The following KCNN2 variants were observed in gnomAD, a reference collection of about 807,000 sequenced individuals.
KCNN2 encodes the protein potassium calcium-activated channel subfamily N member 2, also known as small conductance calcium-activated potassium channel protein 2.
In KCNN2, 24 loss-of-function variants were observed where a neutral mutation model predicts 55.5. That is an observed-to-expected ratio of 0.43 (90% CI 0.31 to 0.61). The LOEUF (loss-of-function observed/expected upper bound fraction) is 0.61. Among genes scored for constraint, KCNN2 ranks in the 20% least tolerant of loss-of-function variants. KCNN2 has a pLI of 0.08. For synonymous variants in KCNN2, 431 were observed against 336.1 expected, an observed-to-expected ratio of 1.28 and a Z score of -3.09; for missense variants, 754 against 853.6, an observed-to-expected ratio of 0.88 and a Z score of 1.45.
chr5:114,411,747 C>T (rs1438504509), intron 3 of KCNN2, among the ~76,000 whole-genome samples: 1 of 152,176 alleles, frequency 6.6e-6, no homozygotes, highest in Non-Finnish European at 1.5e-5. Context: ...GGATGGTGCT[C>T]ACCCACGTTG....
At chr5:114,469,915 G>C (rs763153849) in intron 4 of KCNN2, among the ~76,000 whole-genome samples, 2 of 152,170 alleles carry the variant, frequency 1.3e-5, no homozygotes, top group Non-Finnish European at 2.9e-5. Flanking sequence ...AAACAGTTAA[G>C]GGGTTTGTAT....
At chr5:114,445,966 A>G (rs1760389748) in intron 3 of KCNN2, among the ~76,000 whole-genome samples, 1 of 152,212 alleles carries the variant, frequency 6.6e-6, no homozygotes, top group Non-Finnish European at 1.5e-5. Context: ...CTTAATAGGA[A>G]GAACAAGGGT....
At chr5:114,354,267 TTC>T (rs1224263877) in intron 2 of KCNN2, among the ~76,000 whole-genome samples, 1 of 152,108 alleles carries the variant, frequency 6.6e-6, no homozygotes. Flanking sequence ...TTTAAATAAT[TTC>T]TGTTTATTTA....
At chr5:114,145,593 A>G (rs1200362430) in intron 1 of KCNN2, among the ~76,000 whole-genome samples, 1 of 152,194 alleles carries the variant, frequency 6.6e-6, no homozygotes, top group Non-Finnish European at 1.5e-5. Flanking sequence ...GTGGATACCT[A>G]AAACCTAAAG....
chr5:114,495,192 A>G (rs1748054175), intron 7 of KCNN2, among the ~76,000 whole-genome samples: 1 of 152,180 alleles, frequency 6.6e-6, no homozygotes, highest in East Asian at 1.9e-4. Flanking sequence ...AGCTTTGATT[A>G]AGCCATAGCC....
At chr5:114,084,711 T>C (rs1750976827) in intron 1 of KCNN2, among the ~76,000 whole-genome samples, 1 of 152,028 alleles carries the variant, frequency 6.6e-6, no homozygotes, top group African/African-American at 2.4e-5. Context: ...GATCATACTT[T>C]TGGTGTTTAT....
intron 2 of KCNN2, among the ~76,000 whole-genome samples, chr5:114,230,278 T>TTC (rs1754331140): frequency 2.4e-5 from 2 of 82,226 alleles, no homozygotes; most frequent in Admixed American, 1.3e-4. Flanking sequence ...TTTTTTTTTT[T>TTC]CTTTCTTTCT....
At position 114,217,671 on chromosome 5, in the gene KCNN2, T is replaced by A. The variant is rs116965636; in HGVS notation, c.-270-3809T>A. 2.3e-4 allele frequency among the ~76,000 whole-genome samples: 35 copies of A among 152,254 alleles called. 1 individual carries two copies. The East Asian group carries it at 5.6e-3, about 24-fold the overall frequency. ...CTTGTAGGAGATGACATAGGACAAA[T>A]CTTTTATGACCTTGGGTGTGGTCAT... On this transcript the variant is annotated intron_variant, in intron 1 of 10. Coordinates refer to the KCNN2 transcript ENST00000512097.
At chr5:114,385,675 C>T (rs1758259050) in intron 2 of KCNN2, among the ~76,000 whole-genome samples, 1 of 152,096 alleles carries the variant, frequency 6.6e-6, no homozygotes, top group Non-Finnish European at 1.5e-5. Context: ...TTGGGCTCAG[C>T]ACAGGTCTCC....
chr5:114,159,481 G>A (rs1345728274), intron 1 of KCNN2, among the ~76,000 whole-genome samples: 1 of 151,924 alleles, frequency 6.6e-6, no homozygotes, highest in Non-Finnish European at 1.5e-5. Context: ...GATTGTGTCT[G>A]TGCCAGGCTT....
chr5:114,333,844 C>T (rs1230506192), intron 2 of KCNN2, among the ~76,000 whole-genome samples: 1 of 152,178 alleles, frequency 6.6e-6, no homozygotes, highest in Non-Finnish European at 1.5e-5. Flanking sequence ...TGCCATTGTG[C>T]TTAACTTTAG....
intron 1 of KCNN2, among the ~76,000 whole-genome samples, chr5:114,183,963 C>G (rs1309853768): frequency 6.6e-6 from 1 of 151,886 alleles, no homozygotes; most frequent in Non-Finnish European, 1.5e-5. Flanking sequence ...TAATTAAATC[C>G]TAGAAAATTA....
chr5:114,374,781 A>C (rs1191807975), intron 2 of KCNN2, among the ~76,000 whole-genome samples: 2 of 152,150 alleles, frequency 1.3e-5, no homozygotes, highest in African/African-American at 4.8e-5. Context: ...AATTATGTAG[A>C]CCATTCTAAC....
chr5:114,256,816 T>G (rs1754991973), intron 2 of KCNN2, among the ~76,000 whole-genome samples: 1 of 152,120 alleles, frequency 6.6e-6, no homozygotes, highest in Admixed American at 6.6e-5. Context: ...CTGTAAGTCA[T>G]TTGTGCACTC....
At chr5:114,311,319 C>G (rs940271040) in intron 2 of KCNN2, among the ~76,000 whole-genome samples, 3 of 152,018 alleles carry the variant, frequency 2.0e-5, no homozygotes, top group Non-Finnish European at 1.5e-5. Context: ...TGAAGCTACT[C>G]TTTAGATTCT....
At chr5:114,265,557 C>G (rs1000938639) in intron 2 of KCNN2, among the ~76,000 whole-genome samples, 1 of 152,152 alleles carries the variant, frequency 6.6e-6, no homozygotes, top group Non-Finnish European at 1.5e-5. Context: ...GACCAGTGTC[C>G]TAGCTCAACA....
intron 3 of KCNN2, chr5:114,433,764 A>T (rs1045388995): frequency 4.6e-5 from 7 of 153,484 alleles, no homozygotes; most frequent in African/African-American, 1.7e-4. Flanking sequence ...CTCCTGAGCC[A>T]GCGAGACCAG....
intron 2 of KCNN2, among the ~76,000 whole-genome samples, chr5:114,288,497 T>TACACACACAC (rs371769820): frequency 0.031 from 4,018 of 128,408 alleles, 74 homozygotes; most frequent in African/African-American, 0.064. Context: ...TATATATATA[T>TACACACACAC]ATACACACAC....
At chr5:114,414,834 A>C (rs901132739) in intron 3 of KCNN2, among the ~76,000 whole-genome samples, 8 of 152,198 alleles carry the variant, frequency 5.3e-5, no homozygotes, top group African/African-American at 1.9e-4. Context: ...TTGAGGTATA[A>C]TTTACGCACC....
Sources: gnomAD v4.1 joint callset for allele counts (sites outside exome capture counted in the v4.1 genomes callset) on GRCh38, gnomAD v4.1.1 for gene constraint, MANE v1.5 for transcripts, NCBI Gene and HGNC (gene_info 2026-07-23, HGNC 2026-07-21) for gene names.